Variants in MBOAT7 observed in about 807,000 individuals in gnomAD.
MBOAT7 encodes membrane bound acylglycerophosphatidylinositol O-acyltransferase MBOAT7.
Under a neutral mutation model 47.4 loss-of-function variants are expected in MBOAT7, and 40 were observed. The ratio of observed to expected loss-of-function variants is 0.84; its 90% CI spans 0.66 to 1.10. The LOEUF (loss-of-function observed/expected upper bound fraction) is 1.10, where lower values mean the gene tolerates loss of function less well. Among genes scored for constraint, MBOAT7 ranks in the 50% least tolerant of loss-of-function variants. The pLI, the probability that MBOAT7 is intolerant of heterozygous loss-of-function variation, is 0.00. For missense variants in MBOAT7, 680 were observed against 655.6 expected (o/e 1.04, Z -0.41); for synonymous variants, 361 against 292.0 (o/e 1.24, Z -2.41).
chr19:54,178,755 G>C lies in MBOAT7; in HGVS notation c.1031+10C>G. ...TGCAGTGTCACCTGAGACTGGGCGG[G>C]CTCACTCACCGCAGGACATAGGAAC... is the stretch of plus-strand genomic sequence containing the variant. On this transcript the variant is annotated intron_variant, in intron 7 of 7. Coordinates refer to ENST00000245615, the MANE Select transcript of MBOAT7 (RefSeq NM_024298.5). 6.2e-7 allele frequency: 1 copy of C among 1,612,526 alleles called. No individual in the cohort carries two copies.
At chr19:54,179,268 T>G in intron 6 of MBOAT7, 1 of 405,628 alleles carries the variant, frequency 2.5e-6, no homozygotes, top group Non-Finnish European at 4.5e-6. Flanking sequence ...GCTCAGTATA[T>G]TCAGAGAAGC....
In MBOAT7 at chr19:54,178,802, T is replaced by C. The variant is rs952247185; in HGVS notation, c.994A>G (p.Ile332Val). The change falls in exon 7 of 8, where the codon ATC becomes GTC. Residue 332 changes from isoleucine to valine, a missense_variant. Physicochemically the swap from Ile to Val is conservative, Grantham distance 29. Coordinates refer to ENST00000245615, the MANE Select transcript of MBOAT7 (RefSeq NM_024298.5). ...MTVQWWLAQY[I>V]YKSAPARSYV... Reference sequence around the variant, plus strand: ...GAACGGGCAGGTGCGCTCTTGTAGATATACTGCGCCAGCCACCACTGCACC... The same window carrying C: ...GAACGGGCAGGTGCGCTCTTGTAGACATACTGCGCCAGCCACCACTGCACC... The C allele has an allele frequency of 6.2e-7, 1 of 1,613,408 alleles. No homozygotes were observed.
chr19:54,178,777 GA>G lies in MBOAT7; in HGVS notation c.1018del (p.Ser340ProfsTer12). On this transcript the variant is annotated frameshift_variant, in exon 7 of 8. Transcript: ENST00000245615. LOFTEE classifies it high-confidence loss of function. ...CGGGCTCACTCACCGCAGGACATAG[GA>G]ACGGGCAGGTGCGCTCTTGTAGATA... is the stretch of plus-strand genomic sequence containing the variant. ...QYIYKSAPAR[S>X]YVLRSAWTML... 6.2e-7 allele frequency: 1 copy of G among 1,613,424 alleles called. No homozygotes were observed. Among genetic ancestry groups the G allele is most frequent in the Non-Finnish European group, 8.5e-7 (1 of 1,179,994 alleles).
At position 54,183,491 on chromosome 19, in the gene MBOAT7, C is replaced by T. The variant is rs752414141; in HGVS notation, c.493+30G>A. ...GCGGAAGGGGACACAGGAGACAGAGCGGCAGAGTTGTTAGGGCAGCCCCAC... is the reference window on the plus strand; with the variant it reads ...GCGGAAGGGGACACAGGAGACAGAGTGGCAGAGTTGTTAGGGCAGCCCCAC... On this transcript the variant is annotated intron_variant, in intron 5 of 7. Transcript: ENST00000245615. 2.5e-5 allele frequency: 40 copies of T among 1,599,288 alleles called. No homozygotes were observed. The East Asian group carries it at 3.0e-4, about 12-fold the overall frequency.
intron 4 of MBOAT7, among the ~76,000 whole-genome samples, chr19:54,185,326 G>A (rs1020270134): frequency 5.3e-5 from 8 of 152,200 alleles, no homozygotes; most frequent in African/African-American, 1.7e-4. Context: ...CCAAAGCGCT[G>A]GGATTATACA....
Position 54,180,884 on chromosome 19 carries a change from G to A in MBOAT7, c.743C>T (p.Ala248Val). ...GCAGCCGCACTCGGCGGCAATCCAGGCCACGTAGAAGCGCATGCGGAAGGC... is the reference window on the plus strand; with the variant it reads ...GCAGCCGCACTCGGCGGCAATCCAGACCACGTAGAAGCGCATGCGGAAGGC... The part of the protein sequence containing the change: ...FFAFRMRFYV[A>V]WIAAECGCIA... The change falls in exon 6 of 8, where the codon GCC becomes GTC. Residue 248 changes from alanine to valine, a missense_variant. Physicochemically the swap from Ala to Val is moderately conservative, Grantham distance 64. Coordinates refer to ENST00000245615, the MANE Select transcript of MBOAT7 (RefSeq NM_024298.5). This position sits in a 1 kb window ranked among gnomAD's most constrained non-coding sequence, Gnocchi z 5.2. 2 of 1,595,362 alleles carry A rather than the reference G, an allele frequency of 1.3e-6. No individual in the cohort carries two copies. Among genetic ancestry groups the A allele is most frequent in the Non-Finnish European group, 1.7e-6 (2 of 1,173,058 alleles).
intron 6 of MBOAT7, 79 bp from the exon 7 acceptor site, chr19:54,179,020 C>G: frequency 6.5e-7 from 1 of 1,542,396 alleles, no homozygotes; most frequent in Non-Finnish European, 8.8e-7. Flanking sequence ...AGTGTCCCAG[C>G]CCCGGATGCT....
chr19:54,179,030 TAAGG>T (rs2076196478), intron 6 of MBOAT7, 89 bp from the exon 7 acceptor site: 1 of 1,517,662 alleles, frequency 6.6e-7, no homozygotes, highest in Non-Finnish European at 8.9e-7. Context: ...CCCCGGATGC[TAAGG>T]AAGGGATCCT....
chr19:54,181,152 G>A lies in MBOAT7; in HGVS notation c.494-19C>T. The stretch of plus-strand genomic sequence containing the variant: ...AACGGGCCTGTGGGGCGGGGAGGGA[G>A]GGCCGCGGTCAGACAGGCAGGTGGG... On this transcript the variant is annotated intron_variant, in intron 5 of 7. Coordinates refer to ENST00000245615, the MANE Select transcript of MBOAT7 (RefSeq NM_024298.5). 6.9e-7 allele frequency: 1 copy of A among 1,455,628 alleles called. No homozygotes were observed. Among genetic ancestry groups the A allele is most frequent in the Non-Finnish European group, 9.1e-7 (1 of 1,103,986 alleles). The allele number at this position is 1,455,628 out of a possible 1,614,324, so 90.2% of individuals were successfully genotyped here. A position where few individuals can be genotyped will look rare whatever the true frequency, so the allele number is the denominator to read the frequency against.
intron 5 of MBOAT7, among the ~76,000 whole-genome samples, chr19:54,181,833 A>G (rs12974512): frequency 6.8e-3 from 23 of 3,366 alleles, no homozygotes; most frequent in Non-Finnish European, 9.7e-3. Context: ...GAAGGAGGGA[A>G]GGAAGGAGGG....
chr19:54,180,777 T>TG lies in MBOAT7; in HGVS notation c.849dup (p.Ser284GlnfsTer12), dbSNP rs1382747435. Reference sequence around the variant, plus strand: ...GCCTCCCTCGCGCCGCCTGACCTGCTGGGGGGTGGGCATTGGAGGGTGGGG... The same window carrying TG: ...GCCTCCCTCGCGCCGCCTGACCTGCTGGGGGGGTGGGCATTGGAGGGTGGGG... On this transcript the variant is annotated frameshift_variant, in exon 6 of 8. Transcript: ENST00000245615. LOFTEE classifies it high-confidence loss of function. The surrounding 1 kb of genome is among the most constrained non-coding windows in gnomAD (Gnocchi z 5.2). The TG allele has an allele frequency of 3.0e-6, 4 of 1,312,358 alleles. No homozygotes were observed. Among genetic ancestry groups the TG allele is most frequent in the Non-Finnish European group, 4.1e-6 (4 of 980,402 alleles). The allele number at this position is 1,312,358 out of a possible 1,614,324, so 81.3% of individuals were successfully genotyped here. A position where few individuals can be genotyped will look rare whatever the true frequency, so the allele number is the denominator to read the frequency against.
At chr19:54,181,234 G>C in intron 5 of MBOAT7, 101 bp from the exon 6 acceptor site, 2 of 1,375,142 alleles carry the variant, frequency 1.5e-6, no homozygotes, top group African/African-American at 3.0e-5. Context: ...TGGGAAGAGG[G>C]AGTGAGAGGG....
intron 4 of MBOAT7, among the ~76,000 whole-genome samples, chr19:54,185,360 T>C (rs1002005825): frequency 5.3e-5 from 8 of 152,064 alleles, no homozygotes; most frequent in Non-Finnish European, 8.8e-5. Flanking sequence ...GCACCAGGCC[T>C]ACACAACCCT....
At chr19:54,176,506 C>T (rs775568952) in intron 7 of MBOAT7, among the ~76,000 whole-genome samples, 2 of 151,688 alleles carry the variant, frequency 1.3e-5, no homozygotes, top group Admixed American at 6.6e-5. Flanking sequence ...TGCAGTGAGC[C>T]GAGATCACGC....
At chr19:54,177,544 C>G (rs2076143079) in intron 7 of MBOAT7, among the ~76,000 whole-genome samples, 1 of 152,030 alleles carries the variant, frequency 6.6e-6, no homozygotes, top group Non-Finnish European at 1.5e-5. Context: ...ACCCACCCAC[C>G]TTGGCCTCCC....
intron 7 of MBOAT7, among the ~76,000 whole-genome samples, chr19:54,175,106 G>C (rs886608264): frequency 1.3e-5 from 2 of 151,702 alleles, no homozygotes; most frequent in African/African-American, 4.8e-5. Context: ...CTCCCGAGTA[G>C]CTGGGACTAC....
Position 54,180,739 on chromosome 19 carries a change from TG to T in MBOAT7, c.854+33del. 6.9e-7 allele frequency: 1 copy of T among 1,453,156 alleles called. No homozygotes were observed. 90.0% of individuals were successfully genotyped at this position (1,453,156 alleles called of 1,614,324 possible). A position where few individuals can be genotyped will look rare whatever the true frequency, so the allele number is the denominator to read the frequency against. On this transcript the variant is annotated intron_variant, in intron 6 of 7. Coordinates refer to ENST00000245615, the MANE Select transcript of MBOAT7 (RefSeq NM_024298.5). This position sits in a 1 kb window ranked among gnomAD's most constrained non-coding sequence, Gnocchi z 5.2. ...GCCAGCCCTTGGAGGTGGGGGCTGC[TG>T]GGTCTTGGGAAGCCTCCCTCGCGCC...
chr19:54,177,916 T>G lies in MBOAT7; in HGVS notation c.1031+849A>C, dbSNP rs1461358250. On this transcript the variant is annotated intron_variant, in intron 7 of 7. Transcript: ENST00000245615. The stretch of plus-strand genomic sequence containing the variant: ...TCTACTTCTGTTTTTTTTTTTTTTT[T>G]TTTTTTTTTTTTTTGAGACGGAGTC... Among the ~76,000 whole-genome samples the G allele has an allele frequency of 4.0e-5, 5 of 125,868 alleles. No homozygotes were observed. In the East Asian group the frequency reaches 6.8e-4, roughly 17 times the overall value. 82.6% of individuals were successfully genotyped at this position (125,868 alleles called of 152,430 possible).
chr19:54,174,870 C>T lies in MBOAT7; in HGVS notation c.1032-439G>A, dbSNP rs561989070. 3.3e-5 allele frequency among the ~76,000 whole-genome samples: 5 copies of T among 152,278 alleles called. No individual in the cohort carries two copies. In the South Asian group the frequency reaches 8.3e-4, roughly 25 times the overall value. ...CCAGGAGCTCGCAGCCTTCCATACACACTCAGTCCTATCAAGACCCTCTTC... is the reference window on the plus strand; with the variant it reads ...CCAGGAGCTCGCAGCCTTCCATACATACTCAGTCCTATCAAGACCCTCTTC... On this transcript the variant is annotated intron_variant, in intron 7 of 7. Transcript: ENST00000245615.
Sources: allele counts gnomAD v4.1 joint callset (sites outside exome capture counted in the v4.1 genomes callset), GRCh38; gene constraint gnomAD v4.1.1; non-coding constraint Gnocchi (gnomAD v3.1); transcripts MANE v1.5; gene names NCBI Gene and HGNC (gene_info 2026-07-23, HGNC 2026-07-21).